WDR7: variants seen among roughly 807,000 people sequenced by gnomAD.
WDR7 encodes the protein WD repeat-containing protein 7.
WDR7 carries 46 observed loss-of-function variants against 169.4 expected under a neutral mutation model. The ratio of observed to expected loss-of-function variants is 0.27; its 90% CI spans 0.21 to 0.35. WDR7 has a LOEUF of 0.35. WDR7 is among the 10% of genes least tolerant of loss of function. WDR7 has a pLI of 1.00. For synonymous variants in WDR7, 612 were observed against 666.8 expected, an observed-to-expected ratio of 0.92 and a Z score of 1.27; for missense variants, 1,534 against 1,859.3, an observed-to-expected ratio of 0.83 and a Z score of 3.22.
At chr18:56,755,729 G>C (rs970158324) in intron 14 of WDR7, among the ~76,000 whole-genome samples, 1 of 152,188 alleles carries the variant, frequency 6.6e-6, no homozygotes, top group African/African-American at 2.4e-5. Context: ...TCCCATGTAG[G>C]GGGAAGAGTG....
At chr18:56,839,178 G>A (rs543824770) in intron 20 of WDR7, among the ~76,000 whole-genome samples, 162 of 152,114 alleles carry the variant, frequency 1.1e-3, no homozygotes, top group Non-Finnish European at 1.8e-3. Flanking sequence ...AGGTACATGT[G>A]ATATTTTGAT....
rs1369011392 is a variant in WDR7, at chr18:57,017,507, G to GTA, written c.4165-3237_4165-3236insAT. On this transcript the variant is annotated intron_variant, in intron 26 of 27. Transcript: ENST00000254442. Reference sequence around the variant, plus strand: ...TGTGTGTGTGTGTGTGTGTGTGTGTGTGTGTGTGTGTGTGATGTTCTGATC... The same window carrying GTA: ...TGTGTGTGTGTGTGTGTGTGTGTGTGTATGTGTGTGTGTGTGATGTTCTGATC... Among the ~76,000 whole-genome samples the GTA allele has an allele frequency of 3.5e-3, 536 of 151,422 alleles. 2 individuals are homozygous for GTA. Among genetic ancestry groups the GTA allele is most frequent in the African/African-American group, 0.012 (511 of 41,242 alleles).
At chr18:57,021,335 G>A (rs927065059) in intron 27 of WDR7, among the ~76,000 whole-genome samples, 3 of 152,172 alleles carry the variant, frequency 2.0e-5, no homozygotes, top group Non-Finnish European at 2.9e-5. Flanking sequence ...GAGAAGCCTC[G>A]CTGGCTTCAG....
chr18:56,668,082 C>T (rs1436419155), intron 1 of WDR7, among the ~76,000 whole-genome samples: 2 of 152,154 alleles, frequency 1.3e-5, no homozygotes, highest in Admixed American at 1.3e-4. Context: ...AGTTTTATCC[C>T]TCTCTGTTAT....
At chr18:56,939,972 C>A (rs181493692) in intron 25 of WDR7, among the ~76,000 whole-genome samples, 1 of 151,322 alleles carries the variant, frequency 6.6e-6, no homozygotes. Flanking sequence ...ATTATTATAG[C>A]ATGAAGGGGT....
At chr18:56,842,025 T>C (rs1383163664) in intron 20 of WDR7, among the ~76,000 whole-genome samples, 2 of 152,224 alleles carry the variant, frequency 1.3e-5, no homozygotes, top group Admixed American at 1.3e-4. Flanking sequence ...GAACATATCA[T>C]ACTCAATGCT....
chr18:56,878,351 C>A (rs993064223), intron 20 of WDR7, among the ~76,000 whole-genome samples: 2 of 152,088 alleles, frequency 1.3e-5, no homozygotes, highest in African/African-American at 4.8e-5. Context: ...TCGTATGGCC[C>A]ATCCCTCTTA....
At chr18:56,781,859 G>A (rs1370871139) in intron 19 of WDR7, 1 of 454,778 alleles carries the variant, frequency 2.2e-6, no homozygotes. Context: ...GGCAAAGGCT[G>A]TCTATATCAA....
chr18:56,887,572 TTC>T (rs2046213774), intron 21 of WDR7, among the ~76,000 whole-genome samples: 1 of 151,460 alleles, frequency 6.6e-6, no homozygotes, highest in African/African-American at 2.5e-5. Context: ...GATATTTTTT[TTC>T]CTTTCTTGTT....
In WDR7 at chr18:56,691,299, A is replaced by T. The variant is rs765097662; in HGVS notation, c.801A>T (p.Ser267=). ...CATGGACCGGGGGGGACTTTGTCTCATCAGATAAAGTCATCATTTGGACAG... is the reference window on the plus strand; with the variant it reads ...CATGGACCGGGGGGGACTTTGTCTCTTCAGATAAAGTCATCATTTGGACAG... ...GQTWTGGDFV[S]SDKVIIWTEN... Residue 267 remains serine, a synonymous_variant, in exon 8 of 28, where the codon TCA becomes TCT. Coordinates refer to ENST00000254442, the MANE Select transcript of WDR7 (RefSeq NM_015285.3). The T allele has an allele frequency of 3.1e-6, 5 of 1,608,262 alleles. No individual in the cohort carries two copies. In the Middle Eastern group the frequency reaches 4.9e-4, roughly 159 times the overall value.
At chr18:56,991,985 A>C (rs2047824407) in intron 26 of WDR7, among the ~76,000 whole-genome samples, 2 of 152,236 alleles carry the variant, frequency 1.3e-5, no homozygotes, top group Non-Finnish European at 2.9e-5. Flanking sequence ...TCTTCTAATT[A>C]ATCATATTAA....
chr18:56,681,438 A>G (rs1479793004), intron 4 of WDR7, 47 bp downstream of exon 4: 4 of 1,179,612 alleles, frequency 3.4e-6, no homozygotes, highest in South Asian at 1.8e-5. Context: ...TTATAAGTAT[A>G]TAATTTAAAA....
intron 20 of WDR7, among the ~76,000 whole-genome samples, chr18:56,873,360 G>A (rs983871177): frequency 6.6e-6 from 1 of 152,260 alleles, no homozygotes; most frequent in Non-Finnish European, 1.5e-5. Flanking sequence ...CTTTCCATTA[G>A]CTTAGGGATA....
intron 1 of WDR7, among the ~76,000 whole-genome samples, chr18:56,664,975 T>C (rs748419628): frequency 9.2e-5 from 14 of 152,070 alleles, no homozygotes; most frequent in Non-Finnish European, 1.9e-4. Flanking sequence ...CCATGTTGTG[T>C]GCATATGTAC....
At chr18:56,660,814 A>G (rs865864875) in intron 1 of WDR7, among the ~76,000 whole-genome samples, 1 of 152,204 alleles carries the variant, frequency 6.6e-6, no homozygotes, top group Non-Finnish European at 1.5e-5. Flanking sequence ...AGGTCAAGTA[A>G]GATAAGGGTT....
At chr18:57,020,388 C>T (rs886109754) in intron 26 of WDR7, among the ~76,000 whole-genome samples, 1 of 152,188 alleles carries the variant, frequency 6.6e-6, no homozygotes, top group African/African-American at 2.4e-5. Flanking sequence ...CTGGATACTT[C>T]TGGTGATCAG....
At chr18:56,870,114 G>A (rs186354267) in intron 20 of WDR7, among the ~76,000 whole-genome samples, 3 of 151,962 alleles carry the variant, frequency 2.0e-5, no homozygotes, top group Admixed American at 6.6e-5. Context: ...AAAGACTTGG[G>A]GTACATTGGA....
At chr18:57,032,844 T>TATATATATATATATACAC (rs1464286392), downstream of WDR7, 1 of 123,754 alleles carries the variant, frequency 8.1e-6, no homozygotes, top group African/African-American at 2.9e-5. Context: ...TATATATATA[T>TATATATATATATATACAC]ACAGTGTAAT....
At chr18:56,684,431 C>T (rs1255411751) in intron 5 of WDR7, among the ~76,000 whole-genome samples, 4 of 152,074 alleles carry the variant, frequency 2.6e-5, no homozygotes, top group Admixed American at 6.6e-5. Flanking sequence ...CAAAAACAGC[C>T]GCAGACAATA....
Sources: allele counts gnomAD v4.1 joint callset (sites outside exome capture counted in the v4.1 genomes callset), GRCh38; gene constraint gnomAD v4.1.1; transcripts MANE v1.5; gene names NCBI Gene and HGNC (gene_info 2026-07-23, HGNC 2026-07-21).